GLIS3: variants seen among roughly 807,000 people sequenced by gnomAD.
The protein encoded by GLIS3 is GLIS family zinc finger 3.
Under a neutral mutation model 78.6 loss-of-function variants are expected in GLIS3, and 53 were observed. That is an observed-to-expected ratio of 0.67 (90% confidence interval 0.54 to 0.85). GLIS3 has a LOEUF of 0.85. Ranked by LOEUF, GLIS3 falls within the 40% of genes least tolerant of loss-of-function variation. GLIS3 has a pLI of 0.00. For synonymous variants in GLIS3, 684 were observed against 509.9 expected (o/e 1.34, Z -4.60); for missense variants, 1,703 against 1,231.1 (o/e 1.38, Z -5.74).
chr9:4,121,025 G>A (rs60751898), intron 3 of GLIS3, among the ~76,000 whole-genome samples: 1 of 152,136 alleles, frequency 6.6e-6, no homozygotes, highest in African/African-American at 2.4e-5. Context: ...TTGGGCATCT[G>A]AGTTTTCTAA....
chr9:4,065,338 G>C (rs138381953), intron 4 of GLIS3, among the ~76,000 whole-genome samples: 67 of 152,184 alleles, frequency 4.4e-4, no homozygotes, highest in African/African-American at 1.4e-3. Flanking sequence ...AACTGGAAAG[G>C]GTTATTTTTT....
the GLIS3 span, among the ~76,000 whole-genome samples, chr9:4,411,362 C>T: frequency 6.6e-6 from 1 of 152,162 alleles, no homozygotes; most frequent in Non-Finnish European, 1.5e-5. Flanking sequence ...AAAAGAAATA[C>T]AACCTCAGGC....
chr9:4,246,248 T>A (rs1354932687), intron 2 of GLIS3, among the ~76,000 whole-genome samples: 3 of 152,120 alleles, frequency 2.0e-5, no homozygotes, highest in South Asian at 4.1e-4. Flanking sequence ...AGAAACAAAT[T>A]AAACACAATT....
At chr9:4,088,895 G>C (rs1829263179) in intron 4 of GLIS3, among the ~76,000 whole-genome samples, 1 of 152,204 alleles carries the variant, frequency 6.6e-6, no homozygotes, top group Non-Finnish European at 1.5e-5. Flanking sequence ...CCAGTCCAAA[G>C]GGCTTCACCC....
chr9:3,901,417 G>C (rs1029621872), intron 6 of GLIS3, among the ~76,000 whole-genome samples: 1 of 152,174 alleles, frequency 6.6e-6, no homozygotes, highest in Non-Finnish European at 1.5e-5. Flanking sequence ...CTTGAAATCG[G>C]TCATAGTGAA....
the GLIS3 span, among the ~76,000 whole-genome samples, chr9:4,396,555 T>C: frequency 6.6e-6 from 1 of 152,222 alleles, no homozygotes; most frequent in Admixed American, 6.5e-5. Context: ...ATTTCTAGTT[T>C]CCTTTCATTT....
intron 2 of GLIS3, among the ~76,000 whole-genome samples, chr9:4,219,124 C>T (rs181330707): frequency 9.2e-5 from 14 of 152,320 alleles, no homozygotes; most frequent in African/African-American, 2.9e-4. Flanking sequence ...GTGAATCCTC[C>T]AGGAATATAG....
In GLIS3 at chr9:4,286,283, C is replaced by T. The variant is rs752611538; in HGVS notation, c.143G>A (p.Ser48Asn). ...GTTAGCAAGGCTTGCCATAGTGGGA[C>T]TCGATGTGCTGCCACAGGGCGAGGG... ...PGPSPCGSTS[S>N]PTMASLANNL... Residue 48 changes from serine to asparagine, a missense_variant, in exon 2 of 11, where the codon AGT becomes AAT. By Grantham distance (46) the Ser-to-Asn change is conservative. Coordinates refer to ENST00000381971, the MANE Select transcript of GLIS3 (RefSeq NM_001042413.2). The T allele has an allele frequency of 6.2e-7, 1 of 1,614,130 alleles. No homozygotes were observed. Among genetic ancestry groups the T allele is most frequent in the African/African-American group, 1.3e-5 (1 of 74,944 alleles).
chr9:3,985,744 G>A (rs1819692026), intron 4 of GLIS3, among the ~76,000 whole-genome samples: 1 of 152,190 alleles, frequency 6.6e-6, no homozygotes, highest in South Asian at 2.1e-4. Flanking sequence ...CTAAGATTGG[G>A]AAAGAAGTTT....
chr9:4,248,499 T>A (rs187566667), intron 2 of GLIS3, among the ~76,000 whole-genome samples: 1 of 152,338 alleles, frequency 6.6e-6, no homozygotes, highest in East Asian at 1.9e-4. Context: ...TTGATGGGCA[T>A]TTGGGTTGGT....
chr9:4,239,793 C>T (rs1286561581), intron 2 of GLIS3, among the ~76,000 whole-genome samples: 3 of 152,184 alleles, frequency 2.0e-5, no homozygotes, highest in Non-Finnish European at 4.4e-5. Flanking sequence ...TGTCTAAATG[C>T]AGTAGATAAA....
At chr9:4,327,938 G>C (rs12351393) in intron 2 of GLIS3, among the ~76,000 whole-genome samples, 1 of 152,032 alleles carries the variant, frequency 6.6e-6, no homozygotes, top group Non-Finnish European at 1.5e-5. Flanking sequence ...TGCATCAAGA[G>C]CCTGGGCCTT....
At chr9:4,356,462 C>T in the GLIS3 span, among the ~76,000 whole-genome samples, 1 of 152,178 alleles carries the variant, frequency 6.6e-6, no homozygotes, top group Admixed American at 6.5e-5. Flanking sequence ...TAACAACTTT[C>T]ACATGGAGAG....
intron 2 of GLIS3, among the ~76,000 whole-genome samples, chr9:4,245,655 T>C (rs887010796): frequency 2.6e-5 from 4 of 152,254 alleles, no homozygotes; most frequent in Non-Finnish European, 5.9e-5. Context: ...AGGATTGTTT[T>C]GAAAACTGAT....
At chr9:4,241,292 T>C (rs542901001) in intron 2 of GLIS3, among the ~76,000 whole-genome samples, 1 of 152,288 alleles carries the variant, frequency 6.6e-6, no homozygotes, top group Non-Finnish European at 1.5e-5. Flanking sequence ...AACTCTTTTT[T>C]TGCAAGACTT....
intron 2 of GLIS3, among the ~76,000 whole-genome samples, chr9:4,311,081 G>A (rs1817344603): frequency 6.6e-6 from 1 of 152,196 alleles, no homozygotes; most frequent in Admixed American, 6.5e-5. Context: ...GTCTTCGCAG[G>A]AGTTCTTAAT....
chr9:4,154,424 G>T (rs1834903295), intron 2 of GLIS3, among the ~76,000 whole-genome samples: 1 of 152,264 alleles, frequency 6.6e-6, no homozygotes, highest in South Asian at 2.1e-4. Context: ...AAAAGAAAAT[G>T]TATTTGAATT....
chr9:4,221,840 C>A (rs987915565), intron 2 of GLIS3, among the ~76,000 whole-genome samples: 4 of 152,214 alleles, frequency 2.6e-5, no homozygotes, highest in African/African-American at 7.2e-5. Context: ...TTTCAGGCCA[C>A]CATATCTCCA....
the GLIS3 span, among the ~76,000 whole-genome samples, chr9:4,484,518 A>G: frequency 6.9e-6 from 1 of 145,416 alleles, no homozygotes; most frequent in South Asian, 2.2e-4. Flanking sequence ...TCTCGAGTTC[A>G]AGCAATTATC....
Sources: gnomAD v4.1 joint callset for allele counts (sites outside exome capture counted in the v4.1 genomes callset) on GRCh38, gnomAD v4.1.1 for gene constraint, MANE v1.5 for transcripts, NCBI Gene and HGNC (gene_info 2026-07-23, HGNC 2026-07-21) for gene names.